The following ZNF248 variants were observed in gnomAD, a reference collection of about 807,000 sequenced individuals.
ZNF248 encodes KRAB protein domain.
Under a neutral mutation model 44.3 loss-of-function variants are expected in ZNF248, and 20 were observed. The ratio of observed to expected loss-of-function variants is 0.45; its 90% CI spans 0.32 to 0.66. The LOEUF (loss-of-function observed/expected upper bound fraction) is 0.66. ZNF248 is among the 30% of genes least tolerant of loss of function. The pLI, the probability that ZNF248 is intolerant of heterozygous loss-of-function variation, is 0.04. For missense variants in ZNF248, 654 were observed against 677.0 expected, an observed-to-expected ratio of 0.97 and a Z score of 0.38; for synonymous variants, 224 against 229.0, an observed-to-expected ratio of 0.98 and a Z score of 0.20.
At chr10:37,772,872 G>A (rs2046317346), downstream of ZNF248, among the ~76,000 whole-genome samples, 1 of 152,124 alleles carries the variant, frequency 6.6e-6, no homozygotes. Flanking sequence ...CCACCTACAT[G>A]AATCAAACCA....
intron 5 of ZNF248, among the ~76,000 whole-genome samples, chr10:37,836,174 A>G (rs376212391): frequency 6.6e-6 from 1 of 152,092 alleles, no homozygotes; most frequent in East Asian, 1.9e-4. Flanking sequence ...CACTTCCAAC[A>G]GTCTCAGCCA....
chr10:37,813,758 A>C (rs891122484), intron 6 of ZNF248, among the ~76,000 whole-genome samples: 1 of 152,168 alleles, frequency 6.6e-6, no homozygotes, highest in African/African-American at 2.4e-5. Context: ...GTGCGTGTGC[A>C]TGTGTTTGTG....
Position 37,829,212 on chromosome 10 carries a change from T to C in ZNF248, c.*2403A>G. 1 of 985,482 alleles carries C rather than the reference T, an allele frequency of 1.0e-6. No homozygotes were observed. The highest frequency in any genetic ancestry group is 1.2e-6 in the Non-Finnish European group (1 of 829,964). 61.0% of individuals were successfully genotyped at this position (985,482 alleles called of 1,614,324 possible). Reference sequence around the variant, plus strand: ...CTCTTACAAGGTGGCCCCTCCTTCATGACAGCAGTTCTTACTGGGCTCTGG... The same window carrying C: ...CTCTTACAAGGTGGCCCCTCCTTCACGACAGCAGTTCTTACTGGGCTCTGG... On this transcript the variant is annotated 3_prime_UTR_variant, in exon 6 of 6. Transcript: ENST00000395867.
At chr10:37,824,624 CTTAATG>C (rs924047851), downstream of ZNF248, among the ~76,000 whole-genome samples, 8 of 140,026 alleles carry the variant, frequency 5.7e-5, no homozygotes, top group African/African-American at 2.2e-4. Flanking sequence ...CATTTATAAT[CTTAATG>C]TTAAGACTGC....
chr10:37,820,233 C>T (rs759889139), intron 6 of ZNF248: 1 of 1,334,692 alleles, frequency 7.5e-7, no homozygotes, highest in Non-Finnish European at 1.1e-6. Flanking sequence ...CTGTCTGTGC[C>T]AGATGGAGAT....
At chr10:37,771,820 C>T (rs1435580780), downstream of ZNF248, among the ~76,000 whole-genome samples, 1 of 152,108 alleles carries the variant, frequency 6.6e-6, no homozygotes, top group Non-Finnish European at 1.5e-5. Context: ...ACACCAAGAT[C>T]AATGACTAAT....
At chr10:37,820,682 T>C in intron 6 of ZNF248, 2 of 1,386,494 alleles carry the variant, frequency 1.4e-6, no homozygotes, top group South Asian at 2.3e-5. Context: ...ATTCTGCTTT[T>C]TCTCGGGAGT....
chr10:37,808,707 G>C (rs760030963), intron 6 of ZNF248, among the ~76,000 whole-genome samples: 1 of 152,092 alleles, frequency 6.6e-6, no homozygotes, highest in Non-Finnish European at 1.5e-5. Context: ...TCTTTGTATG[G>C]CTGTGATATC....
the ZNF248 span, among the ~76,000 whole-genome samples, chr10:37,763,661 A>G: frequency 2.6e-5 from 4 of 152,246 alleles, no homozygotes; most frequent in African/African-American, 4.8e-5. Context: ...TTGGGTTCCA[A>G]TGAAAAAAAG....
the ZNF248 span, among the ~76,000 whole-genome samples, chr10:37,767,606 A>C: frequency 2.0e-5 from 3 of 152,200 alleles, no homozygotes; most frequent in African/African-American, 7.2e-5. Context: ...GCCTGCCCTA[A>C]AATAGCTCCT....
chr10:37,844,396 G>A (rs1431088310), intron 3 of ZNF248, among the ~76,000 whole-genome samples: 4 of 152,016 alleles, frequency 2.6e-5, no homozygotes, highest in South Asian at 2.1e-4. Flanking sequence ...ATAACTCAAC[G>A]CCGTATGAAG....
At chr10:37,760,356 G>A in the ZNF248 span, among the ~76,000 whole-genome samples, 3 of 152,200 alleles carry the variant, frequency 2.0e-5, no homozygotes, top group East Asian at 3.9e-4. Flanking sequence ...TCAGCCTACT[G>A]AGTAGCCAGG....
At chr10:37,763,556 A>G in the ZNF248 span, among the ~76,000 whole-genome samples, 1 of 152,380 alleles carries the variant, frequency 6.6e-6, no homozygotes, top group East Asian at 1.9e-4. Context: ...TTCACATAAA[A>G]GACTGTATTA....
chr10:37,845,379 T>TA (rs2059158305), intron 3 of ZNF248, among the ~76,000 whole-genome samples: 4 of 147,654 alleles, frequency 2.7e-5, no homozygotes, highest in Admixed American at 1.3e-4. Flanking sequence ...CAGAATGGAT[T>TA]TAAAAAAAAA....
At chr10:37,841,448 C>CA (rs367552739) in intron 3 of ZNF248, among the ~76,000 whole-genome samples, 1,774 of 102,766 alleles carry the variant, frequency 0.017, 13 homozygotes, top group Middle Eastern at 0.037. Flanking sequence ...AATTGTCTAC[C>CA]AAAAAAAAAA....
At chr10:37,852,970 T>C (rs1004346891) in intron 3 of ZNF248, among the ~76,000 whole-genome samples, 4 of 151,996 alleles carry the variant, frequency 2.6e-5, no homozygotes, top group African/African-American at 7.2e-5. Flanking sequence ...CAAGCGATTC[T>C]CCTGCCTCAG....
downstream of ZNF248, among the ~76,000 whole-genome samples, chr10:37,828,415 A>T (rs2054752104): frequency 1.3e-5 from 2 of 152,210 alleles, no homozygotes; most frequent in South Asian, 4.1e-4. Flanking sequence ...AATAGATTAC[A>T]GAGCAAATGT....
Position 37,810,016 on chromosome 10 carries a change from G to T in ZNF248, c.330+23009C>A, listed in dbSNP as rs1194627248. On this transcript the variant is annotated intron_variant, in intron 6 of 6. Transcript: ENST00000615949. ...GAAGAATAGGTATTCTGTAGTAGTT[G>T]TTGTTGGATATAGTGTTGTGTACTA... is the stretch of plus-strand genomic sequence containing the variant. Among the ~76,000 whole-genome samples the T allele has an allele frequency of 2.0e-5, 3 of 152,324 alleles. No homozygotes were observed. The East Asian group carries it at 5.8e-4, about 29-fold the overall frequency.
At chr10:37,782,921 T>G (rs531122594) in intron 6 of ZNF248, among the ~76,000 whole-genome samples, 2 of 152,256 alleles carry the variant, frequency 1.3e-5, no homozygotes, top group East Asian at 3.9e-4. Context: ...TTTTAGGTAC[T>G]TTGTGATGGC....
Sources: allele counts gnomAD v4.1 joint callset (sites outside exome capture counted in the v4.1 genomes callset), GRCh38; gene constraint gnomAD v4.1.1; transcripts MANE v1.5; gene names NCBI Gene and HGNC (gene_info 2026-07-23, HGNC 2026-07-21).